Variants in KANSL1L observed in about 807,000 individuals in gnomAD.
KANSL1L encodes the protein KAT8 regulatory NSL complex subunit 1 like.
Under a neutral mutation model 108.6 loss-of-function variants are expected in KANSL1L, and 25 were observed. That is an observed-to-expected ratio of 0.23 (90% CI 0.17 to 0.32). The LOEUF (loss-of-function observed/expected upper bound fraction) is 0.32. KANSL1L is among the 10% of genes least tolerant of loss of function. The probability of loss-of-function intolerance (pLI) is 1.00; values close to 1 mark genes in which losing one functional copy is unlikely to be tolerated. For missense variants in KANSL1L, 1,137 were observed against 1,125.7 expected (o/e 1.01, Z -0.14); for synonymous variants, 405 against 395.1 (o/e 1.03, Z -0.30).
At chr2:210,112,502 C>A (rs2125467825) in intron 3 of KANSL1L, among the ~76,000 whole-genome samples, 1 of 152,156 alleles carries the variant, frequency 6.6e-6, no homozygotes, top group South Asian at 2.1e-4. Flanking sequence ...AAGTAAAATA[C>A]CATTTAAGAG....
chr2:210,027,301 C>G lies in KANSL1L; in HGVS notation c.2446G>C (p.Glu816Gln), dbSNP rs370710163. ...TTAAATGAAAGGCAGCTTACCTCTT[C>G]TTTGCCTAAATTATATTCATCCAAA... ...QPLDEYNLGK[E>Q]EIEDLSDEVF... Residue 816 changes from glutamate to glutamine, a missense_variant, in exon 12 of 15, where the codon GAA becomes CAA. Around this residue, in one of 3 missense-constraint regions of KANSL1L, gnomAD observed 575 missense variants for 567.1 expected, o/e 1.01. Transcript: ENST00000281772. 1.3e-5 allele frequency: 21 copies of G among 1,609,150 alleles called. No individual in the cohort carries two copies. The highest frequency in any genetic ancestry group is 1.8e-5 in the Non-Finnish European group (21 of 1,175,736).
chr2:210,031,646 C>A, intron 8 of KANSL1L, 100 bp from the exon 9 acceptor site: 1 of 701,688 alleles, frequency 1.4e-6, no homozygotes, highest in Non-Finnish European at 2.2e-6. Flanking sequence ...TTTAAGATAC[C>A]AGTTCAAAAT....
intron 4 of KANSL1L, among the ~76,000 whole-genome samples, 179 bp from the exon 5 acceptor site, chr2:210,098,386 T>A (rs1311129091): frequency 6.6e-6 from 1 of 152,246 alleles, no homozygotes; most frequent in African/African-American, 2.4e-5. Context: ...CAAATAAATC[T>A]ATACTTTAAG....
intron 1 of KANSL1L, among the ~76,000 whole-genome samples, 164 bp from the exon 2 acceptor site, chr2:210,154,775 T>C (rs1355931355): frequency 1.3e-5 from 2 of 152,202 alleles, no homozygotes; most frequent in Non-Finnish European, 2.9e-5. Context: ...GATTAAGCTA[T>C]TCTTCCCTCT....
intron 3 of KANSL1L, among the ~76,000 whole-genome samples, chr2:210,125,069 C>T (rs1235828808): frequency 6.6e-6 from 1 of 152,050 alleles, no homozygotes; most frequent in African/African-American, 2.4e-5. Context: ...GCCTGGACAA[C>T]ATGGTGAAAT....
At chr2:210,169,132 G>A (rs1189464554) in intron 1 of KANSL1L, among the ~76,000 whole-genome samples, 3 of 152,046 alleles carry the variant, frequency 2.0e-5, no homozygotes, top group Non-Finnish European at 2.9e-5. Flanking sequence ...ATTTGGTGAT[G>A]ACATAAGAGC....
At chr2:210,084,618 TTCTC>T (rs965216605) in intron 5 of KANSL1L, among the ~76,000 whole-genome samples, 2 of 152,244 alleles carry the variant, frequency 1.3e-5, no homozygotes, top group Admixed American at 1.3e-4. Flanking sequence ...TCTTTTTTTT[TTCTC>T]TCTCTTTTTT....
intron 3 of KANSL1L, among the ~76,000 whole-genome samples, chr2:210,122,940 A>G (rs2110312): frequency 1 from 152,089 of 152,292 alleles, 75,943 homozygotes; most frequent in Middle Eastern, 1. Flanking sequence ...TATATGAAAA[A>G]GTGCTCAACA....
chr2:210,154,693 A>G (rs1339976611), intron 1 of KANSL1L, 82 bp from the exon 2 acceptor site: 14 of 748,058 alleles, frequency 1.9e-5, no homozygotes, highest in Admixed American at 3.4e-5. Flanking sequence ...AACATGTTCA[A>G]TGTTTCTGAT....
At chr2:210,067,366 G>C (rs1249918554) in intron 6 of KANSL1L, among the ~76,000 whole-genome samples, 1 of 151,822 alleles carries the variant, frequency 6.6e-6, no homozygotes, top group Non-Finnish European at 1.5e-5. Context: ...ATTATTCCTG[G>C]ATGAGTTCCT....
intron 7 of KANSL1L, among the ~76,000 whole-genome samples, chr2:210,042,147 G>A (rs778728213): frequency 2.0e-5 from 3 of 152,030 alleles, no homozygotes; most frequent in African/African-American, 7.2e-5. Flanking sequence ...GTCCTTGTTC[G>A]GTCTATGTGC....
At chr2:210,079,644 A>ATATATATATGTGTG (rs1559539636) in intron 5 of KANSL1L, among the ~76,000 whole-genome samples, 120 of 8,972 alleles carry the variant, frequency 0.013, 6 homozygotes, top group Non-Finnish European at 0.035. Flanking sequence ...ATATATATAT[A>ATATATATATGTGTG]TATATATATA....
At chr2:210,146,224 T>C (rs1048552482) in intron 2 of KANSL1L, among the ~76,000 whole-genome samples, 1 of 152,178 alleles carries the variant, frequency 6.6e-6, no homozygotes, top group African/African-American at 2.4e-5. Context: ...GCAGTTATCC[T>C]CTGGATTTTT....
chr2:210,027,174 A>G (rs1457564592), intron 12 of KANSL1L, 122 bp downstream of exon 12: 2 of 620,192 alleles, frequency 3.2e-6, no homozygotes, highest in Non-Finnish European at 5.7e-6. Context: ...TTCATAAGTG[A>G]AAAGAAAAAA....
intron 3 of KANSL1L, among the ~76,000 whole-genome samples, chr2:210,111,073 C>T (rs1559564978): frequency 6.6e-6 from 1 of 151,996 alleles, no homozygotes; most frequent in Non-Finnish European, 1.5e-5. Flanking sequence ...AATCATGCCA[C>T]TGCACTCCAG....
In KANSL1L at chr2:210,140,242, A is replaced by C. The variant is rs192527605; in HGVS notation, c.1089-11070T>G. On this transcript the variant is annotated intron_variant, in intron 2 of 14. Coordinates refer to ENST00000281772, the MANE Select transcript of KANSL1L (RefSeq NM_152519.4). ...TACCTGTGCTTTGGAGTGCATATCC[A>C]AAAAATATTTGCCAACATCAATGTC... 7.5e-3 allele frequency among the ~76,000 whole-genome samples: 1,147 copies of C among 152,278 alleles called. 8 individuals are homozygous for C. The highest frequency in any genetic ancestry group is 0.017 in the Middle Eastern group (5 of 294).
intron 3 of KANSL1L, among the ~76,000 whole-genome samples, chr2:210,116,882 C>T (rs2094960206): frequency 6.6e-6 from 1 of 152,140 alleles, no homozygotes; most frequent in Non-Finnish European, 1.5e-5. Flanking sequence ...ATGGCCTCAC[C>T]AAATGGACTA....
chr2:210,104,339 A>T, intron 3 of KANSL1L, 38 bp from the exon 4 acceptor site: 5 of 1,505,532 alleles, frequency 3.3e-6, no homozygotes, highest in Non-Finnish European at 3.7e-6. Context: ...AATGAAAACA[A>T]ACTTATTATT....
chr2:210,168,935 T>C (rs1294371137), intron 1 of KANSL1L, among the ~76,000 whole-genome samples: 1 of 152,248 alleles, frequency 6.6e-6, no homozygotes. Context: ...AATATATTTC[T>C]TTCTCTCAAG....
Sources: allele counts gnomAD v4.1 joint callset (sites outside exome capture counted in the v4.1 genomes callset), GRCh38; gene constraint gnomAD v4.1.1; regional missense constraint gnomAD v4.1.1; transcripts MANE v1.5; gene names NCBI Gene and HGNC (gene_info 2026-07-23, HGNC 2026-07-21).